MKX: variants seen among roughly 807,000 people sequenced by gnomAD.
The protein encoded by MKX is mohawk homeobox, also known as homeobox protein Mohawk.
A neutral mutation model predicts 36.0 loss-of-function variants in MKX; 13 were observed. The observed-to-expected ratio is 0.36, with a 90% CI of 0.24 to 0.57. The LOEUF is 0.57. Among genes scored for constraint, MKX ranks in the 20% least tolerant of loss-of-function variants. The pLI is 0.79. For missense variants in MKX, 458 were observed against 456.4 expected (o/e 1.00, Z -0.03); for synonymous variants, 176 against 178.3 (o/e 0.99, Z 0.10).
At chr10:27,707,559 C>T (rs1284083058) in intron 5 of MKX, among the ~76,000 whole-genome samples, 1 of 152,046 alleles carries the variant, frequency 6.6e-6, no homozygotes. Flanking sequence ...GGGAACCCAG[C>T]ACTGCTGTGG....
At chr10:27,698,313 G>A (rs1589665177) in intron 5 of MKX, among the ~76,000 whole-genome samples, 2 of 152,280 alleles carry the variant, frequency 1.3e-5, no homozygotes, top group South Asian at 2.1e-4. Flanking sequence ...GAAATAATAG[G>A]ATCAGATTTG....
chr10:27,708,292 T>G (rs1336734063), intron 5 of MKX, among the ~76,000 whole-genome samples: 1 of 152,156 alleles, frequency 6.6e-6, no homozygotes, highest in Non-Finnish European at 1.5e-5. Context: ...TTCACACTTT[T>G]TTTTCCCTGG....
At position 27,689,796 on chromosome 10, in the gene MKX, A is replaced by G. The variant is rs553890943; in HGVS notation, c.839-14242T>C. Reference sequence around the variant, plus strand: ...AACCAAGAAGAAAGGTAGCCTCCAAAAAAAGGAAGAGACCGGTCACCCCTA... The same window carrying G: ...AACCAAGAAGAAAGGTAGCCTCCAAGAAAAGGAAGAGACCGGTCACCCCTA... On this transcript the variant is annotated intron_variant, in intron 5 of 6. Coordinates refer to ENST00000419761, the MANE Select transcript of MKX (RefSeq NM_173576.3). Among the ~76,000 whole-genome samples, 51 of 152,278 alleles carry G rather than the reference A, an allele frequency of 3.3e-4. 1 individual carries two copies. The highest frequency in any genetic ancestry group is 3.3e-3 in the Admixed American group (51 of 15,302).
intron 5 of MKX, among the ~76,000 whole-genome samples, chr10:27,721,716 C>A (rs1478439309): frequency 6.6e-6 from 1 of 152,114 alleles, no homozygotes; most frequent in African/African-American, 2.4e-5. Flanking sequence ...GTGCAGCAAA[C>A]CACCACGGCA....
At chr10:27,676,266 C>T (rs1836147075) in intron 5 of MKX, among the ~76,000 whole-genome samples, 1 of 133,608 alleles carries the variant, frequency 7.5e-6, no homozygotes, top group Non-Finnish European at 1.5e-5. Context: ...AGAGCAAGAC[C>T]CTGTCTCTAA....
intron 5 of MKX, among the ~76,000 whole-genome samples, chr10:27,677,714 C>T (rs1321893165): frequency 6.6e-6 from 1 of 152,144 alleles, no homozygotes; most frequent in Non-Finnish European, 1.5e-5. Flanking sequence ...ATTTAGTGAA[C>T]AAATGGCAAG....
chr10:27,743,160 C>G, intron 2 of MKX, 68 bp downstream of exon 2: 1 of 1,357,206 alleles, frequency 7.4e-7, no homozygotes, highest in African/African-American at 1.5e-5. Flanking sequence ...CACGGGACCC[C>G]GTCACAGCTC....
chr10:27,716,025 G>A (rs1476698662), intron 5 of MKX, among the ~76,000 whole-genome samples: 1 of 152,148 alleles, frequency 6.6e-6, no homozygotes, highest in Non-Finnish European at 1.5e-5. Context: ...AGGTTTTAGA[G>A]TCAAACAGAT....
chr10:27,734,908 TATC>T, intron 4 of MKX, 117 bp from the exon 5 acceptor site: 1 of 600,250 alleles, frequency 1.7e-6, no homozygotes, highest in Non-Finnish European at 2.5e-6. Context: ...TATATAAAAT[TATC>T]TTTGATAGTC....
chr10:27,728,340 T>A (rs938265129), intron 5 of MKX, among the ~76,000 whole-genome samples: 1 of 152,238 alleles, frequency 6.6e-6, no homozygotes, highest in Non-Finnish European at 1.5e-5. Flanking sequence ...AAGACTTTTT[T>A]AAGCTACCCC....
chr10:27,743,601 G>A, intron 1 of MKX, 104 bp from the exon 2 acceptor site: 5 of 617,542 alleles, frequency 8.1e-6, no homozygotes, highest in Non-Finnish European at 1.0e-5. Context: ...GCGGAGCCGA[G>A]GGGAGGAGCG....
intron 2 of MKX, 103 bp downstream of exon 2, chr10:27,743,125 T>C (rs951935553): frequency 9.2e-6 from 11 of 1,201,044 alleles, no homozygotes; most frequent in Non-Finnish European, 1.2e-5. Context: ...CTCCGGGCCC[T>C]TTCCCGTCCA....
intron 5 of MKX, among the ~76,000 whole-genome samples, chr10:27,722,306 G>A (rs1834396653): frequency 1.3e-5 from 2 of 152,104 alleles, no homozygotes; most frequent in Admixed American, 6.5e-5. Context: ...ATGCTCCTTT[G>A]CAATGTCCCT....
At chr10:27,727,690 G>T (rs956991906) in intron 5 of MKX, among the ~76,000 whole-genome samples, 1 of 152,178 alleles carries the variant, frequency 6.6e-6, no homozygotes, top group Non-Finnish European at 1.5e-5. Context: ...TAAGTAATTA[G>T]AAAAGTTCTC....
intron 5 of MKX, among the ~76,000 whole-genome samples, chr10:27,701,973 G>A (rs1236969040): frequency 6.6e-6 from 1 of 151,978 alleles, no homozygotes; most frequent in East Asian, 1.9e-4. Context: ...TCCACAGCCT[G>A]TCTGGAGACT....
chr10:27,689,173 A>G (rs1440859230), intron 5 of MKX, among the ~76,000 whole-genome samples: 1 of 152,204 alleles, frequency 6.6e-6, no homozygotes, highest in Non-Finnish European at 1.5e-5. Flanking sequence ...TCCGTGTTAA[A>G]CCTGTCTGAC....
chr10:27,712,215 C>T (rs1178448586), intron 5 of MKX, among the ~76,000 whole-genome samples: 2 of 152,184 alleles, frequency 1.3e-5, no homozygotes, highest in African/African-American at 4.8e-5. Flanking sequence ...CAGACATTCC[C>T]ATTGCTGTCT....
intron 5 of MKX, among the ~76,000 whole-genome samples, chr10:27,699,985 T>C (rs1240794851): frequency 1.3e-5 from 2 of 152,234 alleles, no homozygotes; most frequent in African/African-American, 4.8e-5. Context: ...CCTCTGATTA[T>C]ACAGAGCAGT....
chr10:27,734,103 C>T (rs1285732875), intron 5 of MKX, among the ~76,000 whole-genome samples: 1 of 152,036 alleles, frequency 6.6e-6, no homozygotes, highest in East Asian at 1.9e-4. Context: ...CCCCCCTAAA[C>T]ATTGTTATTC....
Sources: gnomAD v4.1 joint callset for allele counts (sites outside exome capture counted in the v4.1 genomes callset) on GRCh38, gnomAD v4.1.1 for gene constraint, MANE v1.5 for transcripts, NCBI Gene and HGNC (gene_info 2026-07-23, HGNC 2026-07-21) for gene names.